Variants in RYR1 observed in about 807,000 individuals in gnomAD.
RYR1 encodes the protein central core disease of muscle.
RYR1 carries 342 observed loss-of-function variants against 583.5 expected under a neutral mutation model. The observed-to-expected ratio is 0.59, with a 90% CI of 0.54 to 0.64. The LOEUF is 0.64. Among genes scored for constraint, RYR1 ranks in the 30% least tolerant of loss-of-function variants. The pLI is 0.00. For missense variants in RYR1, 6,032 were observed against 6,917.2 expected (o/e 0.87, Z 4.54); for synonymous variants, 2,791 against 2,822.5 (o/e 0.99, Z 0.35).
intron 78 of RYR1, 75 bp downstream of exon 78, chr19:38,532,811 T>A: frequency 6.8e-7 from 1 of 1,480,620 alleles, no homozygotes; most frequent in Non-Finnish European, 9.4e-7. Flanking sequence ...TCATTCAGCA[T>A]GTGTTCACAG....
chr19:38,498,198 G>A (rs1187976981), intron 42 of RYR1, among the ~76,000 whole-genome samples: 4 of 152,156 alleles, frequency 2.6e-5, no homozygotes, highest in African/African-American at 7.2e-5. Flanking sequence ...GAGGTGACAG[G>A]TGGGTCATGT....
At chr19:38,477,891 T>TGCTGGGGGGGGGGGGGGGGGGTGGG in intron 30 of RYR1, 21 bp downstream of exon 30, 1 of 528,646 alleles carries the variant, frequency 1.9e-6, no homozygotes. Context: ...TGGGGGGAGG[T>TGCTGGGGGGGGGGGGGGGGGGTGGG]GGGAGGTGCA....
chr19:38,578,605 G>A (rs1002119543), intron 99 of RYR1, among the ~76,000 whole-genome samples: 2 of 152,130 alleles, frequency 1.3e-5, no homozygotes, highest in African/African-American at 4.8e-5. Context: ...GGCCGAGGCA[G>A]GCAGATCACT....
At position 38,543,629 on chromosome 19, in the gene RYR1, A is replaced by G; in HGVS notation, c.11876A>G (p.Gln3959Arg). 1 of 1,614,122 alleles carries G rather than the reference A, an allele frequency of 6.2e-7. No homozygotes were observed. The highest frequency in any genetic ancestry group is 8.5e-7 in the Non-Finnish European group (1 of 1,180,040). The part of the protein sequence containing the change: ...NFSKAMSVAK[Q>R]VFNSLTEYIQ... Reference sequence around the variant, plus strand: ...TCCAAAGCCATGTCGGTGGCTAAGCAGGTGTTCAACAGCCTCACTGAGTAC... The same window carrying G: ...TCCAAAGCCATGTCGGTGGCTAAGCGGGTGTTCAACAGCCTCACTGAGTAC... Residue 3959 changes from glutamine to arginine, a missense_variant, in exon 86 of 106, where the codon CAG becomes CGG. By Grantham distance (43) the Gln-to-Arg change is conservative. Coordinates refer to ENST00000359596, the MANE Select transcript of RYR1 (RefSeq NM_000540.3). The surrounding 1 kb of genome is among the most constrained non-coding windows in gnomAD (Gnocchi z 4.4).
At position 38,510,721 on chromosome 19, in the gene RYR1, C is replaced by A; in HGVS notation, c.9062C>A (p.Pro3021Gln). Residue 3021 changes from proline to glutamine, a missense_variant, in exon 60 of 106, where the codon CCG becomes CAG. This residue lies in a region of RYR1 where 1,493 missense variants were observed against 1,715.5 expected (regional missense o/e 0.87). Transcript: ENST00000359596. ...TNHCLYFLSTPAKVLGSGGHA... is the reference protein window; with the variant it reads ...TNHCLYFLSTQAKVLGSGGHA... ...CACTGCCTCTATTTCTTGTCCACTCCGGCTAAAGTGCTGGGCAGCGGTGGC... is the reference window on the plus strand; with the variant it reads ...CACTGCCTCTATTTCTTGTCCACTCAGGCTAAAGTGCTGGGCAGCGGTGGC... The A allele has an allele frequency of 1.2e-6, 2 of 1,614,166 alleles. No homozygotes were observed. The highest frequency in any genetic ancestry group is 1.7e-6 in the Non-Finnish European group (2 of 1,180,038).
rs1184317680 is a variant in RYR1 at position 38,573,448 on chromosome 19, A to C, written c.14129+141A>C. On this transcript the variant is annotated intron_variant, in intron 96 of 105. Coordinates refer to ENST00000359596, the MANE Select transcript of RYR1 (RefSeq NM_000540.3). ...TGTAATCCCGGCACTTTGGGAGGCT[A>C]AGGCGGGCGGATCACGAGGTCAGGA... The C allele has an allele frequency of 2.7e-6, 3 of 1,092,486 alleles. No individual in the cohort carries two copies. In the African/African-American group the frequency reaches 4.8e-5, roughly 17 times the overall value. The allele number at this position is 1,092,486 out of a possible 1,614,324, so 67.7% of individuals were successfully genotyped here. A position where few individuals can be genotyped will look rare whatever the true frequency, so the allele number is the denominator to read the frequency against.
At chr19:38,535,281 TC>T in intron 80 of RYR1, 34 bp from the exon 81 acceptor site, 1 of 1,612,972 alleles carries the variant, frequency 6.2e-7, no homozygotes, top group Non-Finnish European at 8.5e-7. Context: ...CCTGTGTGAC[TC>T]CCAGTTTCTC....
intron 91 of RYR1, among the ~76,000 whole-genome samples, chr19:38,566,081 G>A (rs918145477): frequency 1.3e-5 from 2 of 151,894 alleles, no homozygotes; most frequent in Non-Finnish European, 2.9e-5. Context: ...TGCAGGGCCC[G>A]GAGAGGTAGA....
intron 9 of RYR1, among the ~76,000 whole-genome samples, chr19:38,447,725 C>T (rs1255997694): frequency 6.6e-6 from 1 of 151,526 alleles, no homozygotes; most frequent in African/African-American, 2.4e-5. Flanking sequence ...ACCTGTAATC[C>T]CAGCTTCTCG....
intron 28 of RYR1, 100 bp downstream of exon 28, chr19:38,473,871 A>G: frequency 1.2e-6 from 1 of 823,138 alleles, no homozygotes; most frequent in Non-Finnish European, 1.9e-6. Flanking sequence ...ACCCCAAAGT[A>G]GACCCATATA....
In RYR1 at chr19:38,448,483, C is replaced by G; in HGVS notation, c.929C>G (p.Ala310Gly). 2 of 1,614,056 alleles carry G rather than the reference C, an allele frequency of 1.2e-6. No individual in the cohort carries two copies. The highest frequency in any genetic ancestry group is 2.7e-5 in the African/African-American group (2 of 75,032). The change falls in exon 10 of 106, where the codon GCT (alanine) becomes GGT (glycine). Residue 310 changes from alanine to glycine, a missense_variant. Around this residue, in one of 11 missense-constraint regions of RYR1, gnomAD observed 338 missense variants for 441.6 expected, o/e 0.77. Coordinates refer to ENST00000359596, the MANE Select transcript of RYR1 (RefSeq NM_000540.3). ...VVDASKAHTK[A>G]TSFCFRISKE... is the part of the protein sequence containing the mutation. ...GACGCCAGCAAGGCTCACACCAAGG[C>G]TACCTCCTTCTGCTTCCGCATCTCC...
intron 71 of RYR1, among the ~76,000 whole-genome samples, chr19:38,526,081 C>G (rs1971455258): frequency 6.6e-6 from 1 of 152,006 alleles, no homozygotes; most frequent in African/African-American, 2.4e-5. Flanking sequence ...GCCCTGCGAC[C>G]CTGCATAACT....
At chr19:38,576,523 T>G (rs913328035) in intron 97 of RYR1, among the ~76,000 whole-genome samples, 1 of 150,366 alleles carries the variant, frequency 6.7e-6, no homozygotes, top group Non-Finnish European at 1.5e-5. Context: ...CAAGAAATAC[T>G]GGTTGAGGCC....
At chr19:38,528,100 G>T in intron 73 of RYR1, 2 of 641,226 alleles carry the variant, frequency 3.1e-6, no homozygotes, top group South Asian at 3.6e-5. Flanking sequence ...CGTGGTCCTG[G>T]CTCTGTGGGA....
Position 38,570,638 on chromosome 19 carries a change from G to A in RYR1, c.13691G>A (p.Arg4564Gln), listed in dbSNP as rs864309559. Residue 4564 changes from arginine (R) to glutamine (Q), a missense_variant, in exon 94 of 106, where the codon CGG (arginine) becomes CAG (glutamine). Arg to Gln is a conservative substitution (Grantham distance 43). Transcript: ENST00000359596. ...NYLSRNFYTL[R>Q]FLALFLAFAI... ...CTGTCCCGGAACTTTTACACCCTGC[G>A]GTTCCTTGCCCTCTTCTTGGCATTT... is the stretch of plus-strand genomic sequence containing the variant. 19 of 1,613,840 alleles carry A rather than the reference G, an allele frequency of 1.2e-5. No homozygotes were observed. Among genetic ancestry groups the A allele is most frequent in the South Asian group, 5.5e-5 (5 of 91,072 alleles).
chr19:38,499,337 G>A lies in RYR1; in HGVS notation c.7027+94G>A. 1 of 1,590,468 alleles carries A rather than the reference G, an allele frequency of 6.3e-7. No homozygotes were observed. Among genetic ancestry groups the A allele is most frequent in the Non-Finnish European group, 8.6e-7 (1 of 1,160,858 alleles). ...ACTGCTCGCACCCTGAGCCACAGATGGGGTCCAGGCAGGAATCCCTTCCAG... is the reference window on the plus strand; with the variant it reads ...ACTGCTCGCACCCTGAGCCACAGATAGGGTCCAGGCAGGAATCCCTTCCAG... On this transcript the variant is annotated intron_variant, in intron 43 of 105. Coordinates refer to ENST00000359596, the MANE Select transcript of RYR1 (RefSeq NM_000540.3). This position sits in a 1 kb window ranked among gnomAD's most constrained non-coding sequence, Gnocchi z 7.3.
chr19:38,462,859 C>A (rs1006219921), intron 20 of RYR1, among the ~76,000 whole-genome samples: 1 of 150,680 alleles, frequency 6.6e-6, no homozygotes, highest in Non-Finnish European at 1.5e-5. Flanking sequence ...GGAGACAGAC[C>A]CGTCCCAGAT....
rs915321867 is a variant in RYR1 at position 38,473,667 on chromosome 19, G to A, written c.4056G>A (p.Ala1352=). 5.2e-6 allele frequency: 8 copies of A among 1,552,286 alleles called. No homozygotes were observed. The East Asian group carries it at 1.2e-4, about 24-fold the overall frequency. Residue 1352 remains alanine (A), a synonymous_variant, in exon 28 of 106, where the codon GCG becomes GCA. Transcript: ENST00000359596. ...CAGAGAACGGCAAAGAAGGGACTGC[G>A]AAGGAGGGCGCCCCCGGGGGCACCC... ...SEAENGKEGT[A]KEGAPGGTPQ...
chr19:38,580,784 C>G (rs1341558823), intron 101 of RYR1, among the ~76,000 whole-genome samples: 3 of 152,086 alleles, frequency 2.0e-5, no homozygotes, highest in Non-Finnish European at 4.4e-5. Flanking sequence ...CAGTTTGAGG[C>G]TTTAGTGAGC....
Sources: allele counts gnomAD v4.1 joint callset (sites outside exome capture counted in the v4.1 genomes callset), GRCh38; gene constraint gnomAD v4.1.1; regional missense constraint gnomAD v4.1.1; non-coding constraint Gnocchi (gnomAD v3.1); transcripts MANE v1.5; gene names NCBI Gene and HGNC (gene_info 2026-07-23, HGNC 2026-07-21).